Variants in OSBPL11 observed in about 807,000 individuals in gnomAD.
OSBPL11 encodes the protein oxysterol binding protein like 11, also known as oxysterol-binding protein-related protein 11.
Under a neutral mutation model 84.4 loss-of-function variants are expected in OSBPL11, and 33 were observed. The ratio of observed to expected loss-of-function variants is 0.39; its 90% confidence interval spans 0.30 to 0.52. OSBPL11 has a LOEUF of 0.52. OSBPL11 is among the 20% of genes least tolerant of loss of function. The pLI, the probability that OSBPL11 is intolerant of heterozygous loss-of-function variation, is 0.72. For synonymous variants in OSBPL11, 276 were observed against 310.2 expected, an observed-to-expected ratio of 0.89 and a Z score of 1.16; for missense variants, 736 against 901.1, an observed-to-expected ratio of 0.82 and a Z score of 2.35.
intron 11 of OSBPL11, among the ~76,000 whole-genome samples, chr3:125,537,052 C>A (rs1424440937): frequency 1.3e-5 from 2 of 150,100 alleles, no homozygotes; most frequent in Non-Finnish European, 2.9e-5. Flanking sequence ...CCCAGCTACT[C>A]AGGAGGCTGA....
At chr3:125,538,004 G>A (rs1935667375) in intron 11 of OSBPL11, among the ~76,000 whole-genome samples, 2 of 152,070 alleles carry the variant, frequency 1.3e-5, no homozygotes, top group South Asian at 4.2e-4. Context: ...AAACTAATTT[G>A]TCTGATTAAT....
At chr3:125,573,991 T>C (rs1318728384) in intron 5 of OSBPL11, among the ~76,000 whole-genome samples, 4 of 152,024 alleles carry the variant, frequency 2.6e-5, no homozygotes, top group African/African-American at 9.7e-5. Context: ...CACCAATTTA[T>C]ATCTTTGCAT....
chr3:125,557,366 G>A (rs1189061187), intron 8 of OSBPL11, among the ~76,000 whole-genome samples: 1 of 151,998 alleles, frequency 6.6e-6, no homozygotes, highest in Non-Finnish European at 1.5e-5. Flanking sequence ...TAGTCACCAG[G>A]CTCTTTATTT....
intron 8 of OSBPL11, among the ~76,000 whole-genome samples, chr3:125,558,780 C>T (rs1936030970): frequency 6.6e-6 from 1 of 152,076 alleles, no homozygotes; most frequent in Non-Finnish European, 1.5e-5. Flanking sequence ...GAAAACTGGC[C>T]TAAAATTAAA....
At chr3:125,544,961 C>T (rs1183179147) in intron 10 of OSBPL11, among the ~76,000 whole-genome samples, 1 of 152,022 alleles carries the variant, frequency 6.6e-6, no homozygotes, top group Non-Finnish European at 1.5e-5. Context: ...AAAACATATG[C>T]TTTCTTGCTT....
intron 8 of OSBPL11, among the ~76,000 whole-genome samples, chr3:125,557,246 AT>A (rs1936004876): frequency 6.6e-6 from 1 of 152,212 alleles, no homozygotes; most frequent in Non-Finnish European, 1.5e-5. Flanking sequence ...TGGTTATCTT[AT>A]TTGTTCCTGT....
At chr3:125,567,322 A>T in intron 6 of OSBPL11, 72 bp downstream of exon 6, 1 of 1,302,936 alleles carries the variant, frequency 7.7e-7, no homozygotes, top group African/African-American at 1.5e-5. Flanking sequence ...CTGAAATTAG[A>T]ATTACAACAA....
At position 125,563,726 on chromosome 3, in the gene OSBPL11, G is replaced by A. The variant is rs1484544497; in HGVS notation, c.986C>T (p.Pro329Leu). Residue 329 changes from proline (P) to leucine (L), a missense_variant, in exon 7 of 13, where the codon CCT (proline) becomes CTT (leucine). Transcript: ENST00000296220. ...SKPVAVPEEQ[P>L]VAESGLLARE... ...CGCTAATAGTCCAGATTCTGCAACA[G>A]GCTGCTCTTCTGGGACTGCCACCGG... The A allele has an allele frequency of 6.2e-7, 1 of 1,614,012 alleles. No homozygotes were observed. The highest frequency in any genetic ancestry group is 8.5e-7 in the Non-Finnish European group (1 of 1,180,018).
At chr3:125,565,231 G>A (rs1559842714) in intron 6 of OSBPL11, among the ~76,000 whole-genome samples, 2 of 151,968 alleles carry the variant, frequency 1.3e-5, no homozygotes. Context: ...GCAACAGAGT[G>A]AGAAGAAATA....
At chr3:125,535,232 A>G (rs796666977) in intron 11 of OSBPL11, among the ~76,000 whole-genome samples, 3 of 152,102 alleles carry the variant, frequency 2.0e-5, no homozygotes, top group African/African-American at 7.2e-5. Context: ...TAAATTTGAC[A>G]CATTAGCTGA....
At chr3:125,584,431 A>C (rs1231696693) in intron 1 of OSBPL11, among the ~76,000 whole-genome samples, 1 of 152,128 alleles carries the variant, frequency 6.6e-6, no homozygotes, top group Non-Finnish European at 1.5e-5. Context: ...GTTGCTCCAT[A>C]ATCTGAATAT....
intron 10 of OSBPL11, among the ~76,000 whole-genome samples, chr3:125,546,945 G>C (rs1409509691): frequency 6.6e-6 from 1 of 151,852 alleles, no homozygotes; most frequent in African/African-American, 2.4e-5. Flanking sequence ...AAGAAGTACT[G>C]GATCTAGAAA....
At chr3:125,592,247 C>T (rs1275318580) in intron 1 of OSBPL11, among the ~76,000 whole-genome samples, 1 of 151,984 alleles carries the variant, frequency 6.6e-6, no homozygotes, top group South Asian at 2.1e-4. Context: ...CTATGTTGCC[C>T]AGGCTAGTCT....
chr3:125,573,629 G>A (rs887885094), intron 5 of OSBPL11, among the ~76,000 whole-genome samples: 51 of 152,058 alleles, frequency 3.4e-4, no homozygotes, highest in African/African-American at 1.2e-3. Context: ...TTGGGAGGCC[G>A]AGGCGGGTGG....
At chr3:125,534,951 GAA>G (rs56164804) in intron 11 of OSBPL11, among the ~76,000 whole-genome samples, 2,248 of 64,694 alleles carry the variant, frequency 0.035, 9 homozygotes, top group African/African-American at 0.063. Context: ...TAAGAAATTA[GAA>G]AAAAAAAAAA....
In OSBPL11 at chr3:125,563,724, C is replaced by G; in HGVS notation, c.988G>C (p.Val330Leu). ...CTCGCTAATAGTCCAGATTCTGCAACAGGCTGCTCTTCTGGGACTGCCACC... is the reference window on the plus strand; with the variant it reads ...CTCGCTAATAGTCCAGATTCTGCAAGAGGCTGCTCTTCTGGGACTGCCACC... ...KPVAVPEEQP[V>L]AESGLLAREP... is the part of the protein sequence containing the mutation. Residue 330 changes from valine to leucine, a missense_variant, in exon 7 of 13, where the codon GTT (valine) becomes CTT (leucine). By Grantham distance (32) the Val-to-Leu change is conservative. Around this residue, in one of 3 missense-constraint regions of OSBPL11, gnomAD observed 579 missense variants for 717.6 expected, o/e 0.81. Transcript: ENST00000296220. The G allele has an allele frequency of 6.2e-7, 1 of 1,614,168 alleles. No individual in the cohort carries two copies. Among genetic ancestry groups the G allele is most frequent in the African/African-American group, 1.3e-5 (1 of 75,046 alleles).
At chr3:125,563,985 T>A in intron 6 of OSBPL11, 142 bp from the exon 7 acceptor site, 1 of 790,516 alleles carries the variant, frequency 1.3e-6, no homozygotes, top group South Asian at 1.8e-5. Context: ...GACAGCCACT[T>A]ATATCTCATT....
At chr3:125,583,062 A>G in intron 1 of OSBPL11, 84 bp from the exon 2 acceptor site, 1 of 900,794 alleles carries the variant, frequency 1.1e-6, no homozygotes, top group Non-Finnish European at 1.7e-6. Flanking sequence ...AAATAGCTGC[A>G]GATACATATA....
intron 1 of OSBPL11, among the ~76,000 whole-genome samples, chr3:125,590,243 G>A (rs897233538): frequency 5.3e-5 from 8 of 152,136 alleles, no homozygotes; most frequent in Admixed American, 2.0e-4. Flanking sequence ...AATAAATTAA[G>A]TTCTTAAGTT....
Sources: gnomAD v4.1 joint callset for allele counts (sites outside exome capture counted in the v4.1 genomes callset) on GRCh38, gnomAD v4.1.1 for gene constraint, gnomAD v4.1.1 regional missense constraint, MANE v1.5 for transcripts, NCBI Gene and HGNC (gene_info 2026-07-23, HGNC 2026-07-21) for gene names.